The following DRAM2 variants were observed in gnomAD, a reference collection of about 807,000 sequenced individuals.
The protein encoded by DRAM2 is DNA damage regulated autophagy modulator 2, also known as DNA damage-regulated autophagy modulator protein 2.
Under a neutral mutation model 33.5 loss-of-function variants are expected in DRAM2, and 26 were observed. The observed-to-expected ratio is 0.78, with a 90% CI of 0.57 to 1.08. The LOEUF is 1.08. Ranked by LOEUF, DRAM2 falls within the 50% of genes least tolerant of loss-of-function variation. The probability of loss-of-function intolerance (pLI) is 0.00; values close to 1 mark genes in which losing one functional copy is unlikely to be tolerated. For missense variants in DRAM2, 311 were observed against 318.1 expected (o/e 0.98, Z 0.17); for synonymous variants, 98 against 109.5 (o/e 0.89, Z 0.66).
intron 7 of DRAM2, 134 bp downstream of exon 7, chr1:111,120,382 A>C (rs1649755503): frequency 1.7e-4 from 2 of 12,014 alleles, no homozygotes; most frequent in Non-Finnish European, 2.9e-4. Context: ...TCTCTCCTAC[A>C]AAAAAAAAAA....
At chr1:111,121,262 G>A (rs1468438470) in intron 6 of DRAM2, among the ~76,000 whole-genome samples, 1 of 151,892 alleles carries the variant, frequency 6.6e-6, no homozygotes, top group Non-Finnish European at 1.5e-5. Flanking sequence ...TTCTCCCTTG[G>A]CTCTAGCTTG....
chr1:111,123,285 T>C (rs1221842777), intron 6 of DRAM2, among the ~76,000 whole-genome samples: 2 of 152,168 alleles, frequency 1.3e-5, no homozygotes, highest in Non-Finnish European at 2.9e-5. Flanking sequence ...GGTCCATTTT[T>C]TCTGACCTGT....
chr1:111,125,914 C>T (rs1650911655), intron 5 of DRAM2, among the ~76,000 whole-genome samples: 1 of 152,240 alleles, frequency 6.6e-6, no homozygotes, highest in East Asian at 1.9e-4. Flanking sequence ...GCATCCACAA[C>T]TCTTTGTTCC....
intron 7 of DRAM2, 77 bp downstream of exon 7, chr1:111,120,439 C>G: frequency 6.8e-6 from 2 of 295,494 alleles, no homozygotes; most frequent in Non-Finnish European, 1.2e-5. Context: ...GCTTCTTATA[C>G]TGCACCAATA....
intron 6 of DRAM2, 67 bp downstream of exon 6, chr1:111,124,675 G>T: frequency 6.5e-7 from 1 of 1,527,316 alleles, no homozygotes; most frequent in South Asian, 1.2e-5. Flanking sequence ...GAATGCTTCA[G>T]GTTTCCCTTT....
At chr1:111,129,615 A>G (rs534640051) in intron 4 of DRAM2, among the ~76,000 whole-genome samples, 1 of 152,298 alleles carries the variant, frequency 6.6e-6, no homozygotes, top group African/African-American at 2.4e-5. Context: ...GTCAAATGAA[A>G]AATGTAGATG....
In DRAM2 at chr1:111,124,850, T is replaced by A. The variant is rs1316447284; in HGVS notation, c.231A>T (p.Gln77His). The A allele has an allele frequency of 6.2e-7, 1 of 1,613,068 alleles. No homozygotes were observed. Among genetic ancestry groups the A allele is most frequent in the Non-Finnish European group, 8.5e-7 (1 of 1,179,632 alleles). Residue 77 changes from glutamine (Q) to histidine (H), a missense_variant, in exon 6 of 10, where the codon CAA (glutamine) becomes CAT (histidine). By Grantham distance (24) the Gln-to-His change is conservative. Transcript: ENST00000484310. The stretch of plus-strand genomic sequence containing the variant: ...TCTCTTCAGGACTCAGAGCATGAAC[T>A]TGCTTATAACGAACATAAATGGTAG... ...CIATIYVRYK[Q>H]VHALSPEENV... is the part of the protein sequence containing the mutation.
rs190636634 is a variant in DRAM2, at chr1:111,136,207, T to A, written c.-15+1316A>T. Among the ~76,000 whole-genome samples, 569 of 152,332 alleles carry A rather than the reference T, an allele frequency of 3.7e-3. 6 individuals are homozygous for A. Among genetic ancestry groups the A allele is most frequent in the African/African-American group, 0.013 (538 of 41,558 alleles). On this transcript the variant is annotated intron_variant, in intron 3 of 9. Coordinates refer to ENST00000484310, the MANE Select transcript of DRAM2 (RefSeq NM_001349884.2). ...ATTCCTCTGCTCAAAACTTTTTTTT[T>A]AATAAAATTGTGTGAACTTCAGCAA...
At chr1:111,124,133 T>C (rs1650558112) in intron 6 of DRAM2, among the ~76,000 whole-genome samples, 1 of 152,180 alleles carries the variant, frequency 6.6e-6, no homozygotes, top group Non-Finnish European at 1.5e-5. Context: ...CCACTTTTAC[T>C]TGTATTCAGA....
rs1443505582 is a variant in DRAM2 at position 111,119,901 on chromosome 1, T to A, written c.576A>T (p.Lys192Asn). The part of the protein sequence containing the change: ...SGNFGTDLEQ[K>N]LHWNPEDKGY... ...CTTTGTCCTCGGGGTTCCAATGGAG[T>A]TTCTGTTCTAAATCAGTCCCAAAAT... The change falls in exon 8 of 10, where the codon AAA becomes AAT. Residue 192 changes from lysine (K) to asparagine (N), a missense_variant. Physicochemically the swap from Lys to Asn is moderately conservative, Grantham distance 94. Coordinates refer to ENST00000484310, the MANE Select transcript of DRAM2 (RefSeq NM_001349884.2). 4 of 1,612,778 alleles carry A rather than the reference T, an allele frequency of 2.5e-6. No homozygotes were observed. Among genetic ancestry groups the A allele is most frequent in the Non-Finnish European group, 3.4e-6 (4 of 1,179,122 alleles).
intron 3 of DRAM2, among the ~76,000 whole-genome samples, chr1:111,133,499 A>C (rs1231590445): frequency 6.6e-6 from 1 of 152,000 alleles, no homozygotes; most frequent in East Asian, 1.9e-4. Flanking sequence ...ATCTTTCTAT[A>C]TTCACCTCTG....
At chr1:111,120,021 A>C (rs1649671242) in intron 7 of DRAM2, 62 bp from the exon 8 acceptor site, 1 of 1,411,712 alleles carries the variant, frequency 7.1e-7, no homozygotes, top group Non-Finnish European at 1.0e-6. Context: ...AAATCACTTT[A>C]CAGTCTAAAA....
chr1:111,128,048 A>G (rs1651365254), intron 4 of DRAM2: 1 of 151,926 alleles, frequency 6.6e-6, no homozygotes, highest in African/African-American at 2.4e-5. Flanking sequence ...CCTGAAGCAC[A>G]CTTATAGCAA....
intron 3 of DRAM2, among the ~76,000 whole-genome samples, chr1:111,134,516 C>T (rs879807795): frequency 4.6e-4 from 70 of 152,206 alleles, no homozygotes; most frequent in Non-Finnish European, 8.1e-4. Flanking sequence ...CAGTCCTTAA[C>T]ATCCCATCAA....
chr1:111,123,461 A>C (rs1038949735), intron 6 of DRAM2, among the ~76,000 whole-genome samples: 4 of 152,100 alleles, frequency 2.6e-5, no homozygotes, highest in Admixed American at 1.3e-4. Flanking sequence ...TCATCTCTGC[A>C]TTGTCCAATT....
intron 3 of DRAM2, among the ~76,000 whole-genome samples, chr1:111,137,238 C>A (rs551830210): frequency 1.6e-5 from 2 of 124,088 alleles, no homozygotes; most frequent in African/African-American, 3.1e-5. Flanking sequence ...TGGGCGACAG[C>A]GAGATTCCAT....
intron 2 of DRAM2, among the ~76,000 whole-genome samples, chr1:111,138,821 C>T (rs1354683431): frequency 6.6e-6 from 1 of 152,138 alleles, no homozygotes; most frequent in Non-Finnish European, 1.5e-5. Context: ...TCTAACCTAA[C>T]CTATCTTCTC....
rs1650952069 is a variant in DRAM2, at chr1:111,126,093, TA to T, written c.199+133del. The T allele has an allele frequency of 4.8e-6, 3 of 621,188 alleles. No individual in the cohort carries two copies. The East Asian group carries it at 7.7e-5, about 16-fold the overall frequency. The allele number at this position is 621,188 out of a possible 1,614,324, so 38.5% of individuals were successfully genotyped here. A position where few individuals can be genotyped will look rare whatever the true frequency, so the allele number is the denominator to read the frequency against. On this transcript the variant is annotated intron_variant, in intron 5 of 9. Coordinates refer to ENST00000484310, the MANE Select transcript of DRAM2 (RefSeq NM_001349884.2). ...GTTTTTCTTTTAAAAGGAGCATAAT[TA>T]TGATCAATTATTTAGTGATAACATA... is the stretch of plus-strand genomic sequence containing the variant.
chr1:111,131,949 A>C (rs75684721), intron 3 of DRAM2, among the ~76,000 whole-genome samples: 1 of 152,216 alleles, frequency 6.6e-6, no homozygotes, highest in African/African-American at 2.4e-5. Flanking sequence ...TGTGAAATAC[A>C]TATGTATTTG....
Sources: gnomAD v4.1 joint callset for allele counts (sites outside exome capture counted in the v4.1 genomes callset) on GRCh38, gnomAD v4.1.1 for gene constraint, MANE v1.5 for transcripts, NCBI Gene and HGNC (gene_info 2026-07-23, HGNC 2026-07-21) for gene names.